KIF26B: variants seen among roughly 807,000 people sequenced by gnomAD.
KIF26B encodes the protein kinesin-like protein KIF26B.
In KIF26B, 63 loss-of-function variants were observed where a neutral mutation model predicts 151.2. The ratio of observed to expected loss-of-function variants is 0.42; its 90% CI spans 0.34 to 0.51. The LOEUF is 0.51. KIF26B is among the 20% of genes least tolerant of loss of function. The probability of loss-of-function intolerance (pLI) is 0.07; values close to 1 mark genes in which losing one functional copy is unlikely to be tolerated. For missense variants in KIF26B, 2,813 were observed against 2,913.6 expected (o/e 0.97, Z 0.79); for synonymous variants, 1,357 against 1,262.1 (o/e 1.08, Z -1.59).
chr1:245,327,389 G>A (rs6677662), intron 2 of KIF26B, among the ~76,000 whole-genome samples: 64,917 of 152,154 alleles, frequency 0.43, 19,305 homozygotes, highest in African/African-American at 0.83. Context: ...GACCTTACTT[G>A]TTCCATCTGG....
intron 11 of KIF26B, 54 bp downstream of exon 11, chr1:245,684,449 GC>G: frequency 6.7e-7 from 1 of 1,498,538 alleles, no homozygotes; most frequent in Non-Finnish European, 9.0e-7. Flanking sequence ...TTGGAGCCGT[GC>G]CCTGGAACAG....
Position 245,490,456 on chromosome 1 carries a change from C to T in KIF26B, c.1167-50311C>T, listed in dbSNP as rs192678027. On this transcript the variant is annotated intron_variant, in intron 4 of 14. Transcript: ENST00000407071. ...CCTCTTGAGTACCTGGGACTACAGGCGCACACCACCACGTCCAGCTAATTT... is the reference window on the plus strand; with the variant it reads ...CCTCTTGAGTACCTGGGACTACAGGTGCACACCACCACGTCCAGCTAATTT... Among the ~76,000 whole-genome samples the T allele has an allele frequency of 3.6e-4, 55 of 151,964 alleles. 1 individual carries two copies. In the East Asian group the frequency reaches 5.8e-3, roughly 16 times the overall value.
chr1:245,540,141 A>T lies in KIF26B; in HGVS notation c.1167-626A>T, dbSNP rs1337178129. ...CATGAATTGCATTTTGTATTTAAAG[A>T]CCTCCCTGCACAATATCCTCTTATC... On this transcript the variant is annotated intron_variant, in intron 4 of 14. Transcript: ENST00000407071. This position sits in a 1 kb window ranked among gnomAD's most constrained non-coding sequence, Gnocchi z 4.6. 6.6e-6 allele frequency among the ~76,000 whole-genome samples: 1 copy of T among 151,602 alleles called. No homozygotes were observed. The highest frequency in any genetic ancestry group is 1.9e-4 in the East Asian group (1 of 5,180).
intron 2 of KIF26B, among the ~76,000 whole-genome samples, chr1:245,207,779 G>A (rs774439769): frequency 7.2e-5 from 11 of 152,182 alleles, no homozygotes; most frequent in Non-Finnish European, 1.3e-4. Flanking sequence ...CCAAACACAC[G>A]TACACATCGT....
chr1:245,614,713 C>A (rs1222552818), intron 9 of KIF26B: 3 of 152,282 alleles, frequency 2.0e-5, no homozygotes, highest in Non-Finnish European at 2.9e-5. Context: ...GCTCTCTCGA[C>A]AGCCCATGAT....
chr1:245,192,283 A>T (rs979239162), intron 2 of KIF26B, among the ~76,000 whole-genome samples: 1 of 152,056 alleles, frequency 6.6e-6, no homozygotes, highest in African/African-American at 2.4e-5. Flanking sequence ...GCTAAGTGAT[A>T]AAAAAGCAGG....
chr1:245,381,035 G>GT (rs1673397907), intron 3 of KIF26B, among the ~76,000 whole-genome samples: 1 of 151,470 alleles, frequency 6.6e-6, no homozygotes, highest in Non-Finnish European at 1.5e-5. Flanking sequence ...AAGAAGCTGA[G>GT]TGGTCCTGGT....
intron 10 of KIF26B, among the ~76,000 whole-genome samples, chr1:245,683,689 A>T (rs150462193): frequency 6.6e-5 from 10 of 152,286 alleles, no homozygotes; most frequent in Non-Finnish European, 1.5e-4. Flanking sequence ...CAGTGCTACT[A>T]GGTGCAAATA....
chr1:245,473,138 G>A (rs1348746615), intron 4 of KIF26B, among the ~76,000 whole-genome samples: 1 of 152,218 alleles, frequency 6.6e-6, no homozygotes, highest in Non-Finnish European at 1.5e-5. Context: ...AAAATGTAGA[G>A]GTGTCAAGAG....
intron 4 of KIF26B, among the ~76,000 whole-genome samples, chr1:245,520,851 G>C (rs962146148): frequency 2.6e-5 from 4 of 152,150 alleles, no homozygotes; most frequent in Admixed American, 6.5e-5. Flanking sequence ...AACATTGTAG[G>C]ATGAATGTTC....
At chr1:245,250,168 G>T (rs1670416162) in intron 2 of KIF26B, among the ~76,000 whole-genome samples, 1 of 151,936 alleles carries the variant, frequency 6.6e-6, no homozygotes, top group Non-Finnish European at 1.5e-5. Context: ...CCATCCTGTT[G>T]CACTTTCTTT....
chr1:245,463,725 G>T (rs1391383004), intron 4 of KIF26B, among the ~76,000 whole-genome samples: 1 of 152,220 alleles, frequency 6.6e-6, no homozygotes. Flanking sequence ...CGTCTGGATT[G>T]TGATTCAAGG....
intron 4 of KIF26B, among the ~76,000 whole-genome samples, chr1:245,521,926 GT>G: frequency 7.2e-6 from 1 of 138,786 alleles, no homozygotes; most frequent in Non-Finnish European, 1.7e-5. Context: ...ATGGAGTGCA[GT>G]GGTGCGATCT....
chr1:245,340,918 A>G (rs1197345419), intron 2 of KIF26B, among the ~76,000 whole-genome samples: 1 of 152,176 alleles, frequency 6.6e-6, no homozygotes, highest in African/African-American at 2.4e-5. Flanking sequence ...GTGAGAAATG[A>G]TGGTGGCCTC....
intron 2 of KIF26B, among the ~76,000 whole-genome samples, chr1:245,291,019 C>CT (rs1314505184): frequency 6.6e-6 from 1 of 152,182 alleles, no homozygotes; most frequent in African/African-American, 2.4e-5. Flanking sequence ...GGTGTTGTCT[C>CT]TTTTCCCTGT....
chr1:245,680,452 T>C (rs1035535268), intron 10 of KIF26B, among the ~76,000 whole-genome samples: 1 of 152,184 alleles, frequency 6.6e-6, no homozygotes, highest in African/African-American at 2.4e-5. Flanking sequence ...CATTTTACCA[T>C]ATGATTGAGT....
chr1:245,688,287 C>T lies in KIF26B; in HGVS notation c.5304C>T (p.Gly1768=). The change falls in exon 12 of 15, where the codon GGC becomes GGT. Residue 1768 remains glycine (G), a synonymous_variant. Transcript: ENST00000407071. ...FSTKSLPQAV[G]QGSSSPPGGK... ...CCAAGTCCCTGCCGCAGGCGGTGGG[C>T]CAGGGCTCCAGCTCGCCCCCCGGTG... The T allele has an allele frequency of 6.3e-7, 1 of 1,596,358 alleles. No homozygotes were observed. The highest frequency in any genetic ancestry group is 1.1e-5 in the South Asian group (1 of 90,688).
chr1:245,558,439 C>A (rs1382090209), intron 5 of KIF26B, among the ~76,000 whole-genome samples: 1 of 152,230 alleles, frequency 6.6e-6, no homozygotes, highest in African/African-American at 2.4e-5. Flanking sequence ...TCCTCCTTTG[C>A]TCTGAATTCA....
intron 10 of KIF26B, among the ~76,000 whole-genome samples, chr1:245,655,356 C>T (rs994817329): frequency 6.6e-6 from 1 of 152,202 alleles, no homozygotes; most frequent in Non-Finnish European, 1.5e-5. Flanking sequence ...GTGTAACCCA[C>T]GTGGTTCTGC....
Sources: gnomAD v4.1 joint callset for allele counts (sites outside exome capture counted in the v4.1 genomes callset) on GRCh38, gnomAD v4.1.1 for gene constraint, Gnocchi (gnomAD v3.1) non-coding constraint, MANE v1.5 for transcripts, NCBI Gene and HGNC (gene_info 2026-07-23, HGNC 2026-07-21) for gene names.